Variants in ZNF10 observed in about 807,000 individuals in gnomAD.
The protein encoded by ZNF10 is zinc finger protein 10 (KOX 1).
In ZNF10, 8 loss-of-function variants were observed where a neutral mutation model predicts 12.2. The ratio of observed to expected loss-of-function variants is 0.66; its 90% confidence interval spans 0.39 to 1.18. The LOEUF is 1.18. Ranked by LOEUF, ZNF10 falls within the 50% of genes most tolerant of loss-of-function variation. ZNF10 has a pLI of 0.01. For synonymous variants in ZNF10, 229 were observed against 228.2 expected, an observed-to-expected ratio of 1.00 and a Z score of -0.03; for missense variants, 603 against 678.9, an observed-to-expected ratio of 0.89 and a Z score of 1.24.
chr12:133,131,489 A>G (rs1215049891), intron 1 of ZNF10, among the ~76,000 whole-genome samples: 1 of 152,186 alleles, frequency 6.6e-6, no homozygotes, highest in African/African-American at 2.4e-5. Flanking sequence ...ATTAAAAAAA[A>G]AAAAGTAAAA....
chr12:133,143,402 A>T (rs898511388), intron 1 of ZNF10: 1 of 152,178 alleles, frequency 6.6e-6, no homozygotes, highest in Non-Finnish European at 1.5e-5. Context: ...CTGAATACAC[A>T]GTTTAAATGG....
intron 1 of ZNF10, among the ~76,000 whole-genome samples, chr12:133,134,186 G>A (rs574907820): frequency 1.5e-4 from 23 of 151,350 alleles, no homozygotes; most frequent in African/African-American, 3.6e-4. Flanking sequence ...GGTGGTGGGC[G>A]CCTGTAATCC....
Position 133,157,155 on chromosome 12 carries a change from A to C in ZNF10, c.*187A>C. The stretch of plus-strand genomic sequence containing the variant: ...TTTTATTTCAGTACACAAATCCATC[A>C]GATTTTCTTCTTTTCATGAATTCCT... On this transcript the variant is annotated 3_prime_UTR_variant, in exon 5 of 5. Transcript: ENST00000248211. 2.1e-6 allele frequency: 1 copy of C among 485,390 alleles called. No individual in the cohort carries two copies. The highest frequency in any genetic ancestry group is 3.2e-6 in the Non-Finnish European group (1 of 308,760). 30.1% of individuals were successfully genotyped at this position (485,390 alleles called of 1,614,324 possible). A position where few individuals can be genotyped will look rare whatever the true frequency, so the allele number is the denominator to read the frequency against.
rs1295724025 is a variant in ZNF10, at chr12:133,141,458, AT to A, written c.-59-2975del. On this transcript the variant is annotated intron_variant, in intron 1 of 4. Transcript: ENST00000248211. ...AGAGGAGGATAGTAAAACATTAGTT[AT>A]AACTGTATTTCGTATTGCTAAGAAG... is the stretch of plus-strand genomic sequence containing the variant. Among the ~76,000 whole-genome samples, 5 of 152,310 alleles carry A rather than the reference AT, an allele frequency of 3.3e-5. No homozygotes were observed. The East Asian group carries it at 9.7e-4, about 29-fold the overall frequency.
At position 133,144,865 on chromosome 12, in the gene ZNF10, G is replaced by C. The variant is rs560661293; in HGVS notation, c.33+340G>C. 1.0e-4 allele frequency: 49 copies of C among 468,842 alleles called. 1 individual carries two copies. In the East Asian group the frequency reaches 1.9e-3, roughly 18 times the overall value. 29.0% of individuals were successfully genotyped at this position (468,842 alleles called of 1,614,324 possible). Reference sequence around the variant, plus strand: ...TGCTGACCAAAAAATTCAAAAACAGGTATTTACAAACAGTTATTCTTTTTT... The same window carrying C: ...TGCTGACCAAAAAATTCAAAAACAGCTATTTACAAACAGTTATTCTTTTTT... On this transcript the variant is annotated intron_variant, in intron 2 of 4. Coordinates refer to ENST00000248211, the MANE Select transcript of ZNF10 (RefSeq NM_015394.5).
In ZNF10 at chr12:133,157,666, ATTAT is replaced by A. The variant is rs1566352016; in HGVS notation, c.*701_*704del. The A allele has an allele frequency of 6.6e-6, 1 of 152,238 alleles. No individual in the cohort carries two copies. Among genetic ancestry groups the A allele is most frequent in the African/African-American group, 2.4e-5 (1 of 41,472 alleles). 9.4% of individuals were successfully genotyped at this position (152,238 alleles called of 1,614,324 possible). The stretch of plus-strand genomic sequence containing the variant: ...TAGTCTGTTTAATGTTGCTGTAATA[ATTAT>A]TTTAAGAAACTTTTAAATATTGTAA... On this transcript the variant is annotated 3_prime_UTR_variant, in exon 5 of 5. Coordinates refer to ENST00000248211, the MANE Select transcript of ZNF10 (RefSeq NM_015394.5).
chr12:133,144,795 CATTTAAAATGGACTGGAGGCTAAT>C, intron 2 of ZNF10: 1 of 501,442 alleles, frequency 2.0e-6, no homozygotes, highest in East Asian at 4.6e-5. Context: ...ATTAGTGTTA[CATTTAAAATGGACTGGAGGCTAAT>C]ACAAGAAAAA....
intron 2 of ZNF10, among the ~76,000 whole-genome samples, chr12:133,149,252 T>C (rs1387675152): frequency 6.6e-6 from 1 of 151,296 alleles, no homozygotes; most frequent in African/African-American, 2.4e-5. Flanking sequence ...AGCCACCACA[T>C]CTGGCTAATT....
At chr12:133,143,011 A>G (rs905907965) in intron 1 of ZNF10, among the ~76,000 whole-genome samples, 7 of 152,232 alleles carry the variant, frequency 4.6e-5, no homozygotes, top group Non-Finnish European at 1.0e-4. Flanking sequence ...TTTGGTCATG[A>G]AAAGAGTGAG....
At chr12:133,154,097 C>T (rs1271491791) in intron 4 of ZNF10, among the ~76,000 whole-genome samples, 1 of 150,602 alleles carries the variant, frequency 6.6e-6, no homozygotes, top group Non-Finnish European at 1.5e-5. Context: ...AGGATTAAAA[C>T]TTCAACATAC....
intron 1 of ZNF10, among the ~76,000 whole-genome samples, chr12:133,139,954 A>G (rs180761596): frequency 4.4e-4 from 67 of 152,166 alleles, no homozygotes; most frequent in Non-Finnish European, 8.5e-4. Context: ...CTGTAATCCC[A>G]GTACTTTGAG....
intron 2 of ZNF10, among the ~76,000 whole-genome samples, chr12:133,147,365 A>G (rs1273170859): frequency 1.3e-5 from 2 of 152,246 alleles, no homozygotes; most frequent in Non-Finnish European, 2.9e-5. Context: ...TTGCATTCTC[A>G]CAGTAATGTG....
chr12:133,140,117 C>A (rs938367971), intron 1 of ZNF10, among the ~76,000 whole-genome samples: 1 of 146,538 alleles, frequency 6.8e-6, no homozygotes. Flanking sequence ...GCGGGAGGAT[C>A]ACTTGAGCCC....
At chr12:133,135,233 A>C (rs1295777045) in intron 1 of ZNF10, among the ~76,000 whole-genome samples, 2 of 152,102 alleles carry the variant, frequency 1.3e-5, no homozygotes, top group Non-Finnish European at 2.9e-5. Flanking sequence ...TGGGAAGATT[A>C]TTGGATCTCA....
rs1000457215 is a variant in ZNF10, at chr12:133,155,602, A to G, written c.356A>G (p.Asn119Ser). The G allele has an allele frequency of 6.2e-7, 1 of 1,614,016 alleles. No individual in the cohort carries two copies. Among genetic ancestry groups the G allele is most frequent in the African/African-American group, 1.3e-5 (1 of 75,048 alleles). Residue 119 changes from asparagine (N) to serine (S), a missense_variant, in exon 5 of 5, where the codon AAT becomes AGT. Asn to Ser is a conservative substitution (Grantham distance 46, BLOSUM62 1). Transcript: ENST00000248211. The stretch of plus-strand genomic sequence containing the variant: ...ATTAAAATGGAAGGAATGGCAAGGA[A>G]TGATCTCTGGTATTTGTCATTAGAA... ...CDIKMEGMAR[N>S]DLWYLSLEEV... is the part of the protein sequence containing the mutation.
intron 1 of ZNF10, among the ~76,000 whole-genome samples, chr12:133,139,673 G>A (rs1955933069): frequency 1.3e-5 from 2 of 152,180 alleles, no homozygotes; most frequent in African/African-American, 4.8e-5. Context: ...ACAGCAGTAG[G>A]AGTTGGTGGA....
At chr12:133,136,803 T>C (rs1370669705) in intron 1 of ZNF10, among the ~76,000 whole-genome samples, 1 of 152,144 alleles carries the variant, frequency 6.6e-6, no homozygotes, top group Non-Finnish European at 1.5e-5. Context: ...CAAAAGACCA[T>C]CCTCCTCCCG....
chr12:133,138,046 TA>T (rs35170009), intron 1 of ZNF10, among the ~76,000 whole-genome samples: 91,047 of 149,830 alleles, frequency 0.61, 28,393 homozygotes, highest in African/African-American at 0.73. Context: ...GTGGAGCTCT[TA>T]AAAAAAAAAA....
At chr12:133,142,376 C>G (rs535958419) in intron 1 of ZNF10, among the ~76,000 whole-genome samples, 2 of 132,136 alleles carry the variant, frequency 1.5e-5, no homozygotes, top group South Asian at 4.8e-4. Context: ...TGCCACTGCA[C>G]TCCAACCTGG....
Sources: gnomAD v4.1 joint callset for allele counts (sites outside exome capture counted in the v4.1 genomes callset) on GRCh38, gnomAD v4.1.1 for gene constraint, MANE v1.5 for transcripts, NCBI Gene and HGNC (gene_info 2026-07-23, HGNC 2026-07-21) for gene names.